TNIK: variants seen among roughly 807,000 people sequenced by gnomAD.
The protein encoded by TNIK is TRAF2 and NCK-interacting protein kinase.
In TNIK, 49 loss-of-function variants were observed where a neutral mutation model predicts 191.3. The ratio of observed to expected loss-of-function variants is 0.26; its 90% CI spans 0.20 to 0.32. The LOEUF (loss-of-function observed/expected upper bound fraction) is 0.32, where lower values mean the gene tolerates loss of function less well. Ranked by LOEUF, TNIK falls within the 10% of genes least tolerant of loss-of-function variation. TNIK has a pLI of 1.00. For missense variants in TNIK, 1,155 were observed against 1,702.3 expected (o/e 0.68, Z 5.66); for synonymous variants, 594 against 600.9 (o/e 0.99, Z 0.17).
Position 171,366,654 on chromosome 3 carries a change from A to G in TNIK, c.123+2966T>C, listed in dbSNP as rs569343582. 1.3e-3 allele frequency among the ~76,000 whole-genome samples: 200 copies of G among 152,336 alleles called. 2 individuals carry two copies. Among genetic ancestry groups the G allele is most frequent in the South Asian group, 6.8e-3 (33 of 4,830 alleles). On this transcript the variant is annotated intron_variant, in intron 2 of 32. Transcript: ENST00000436636. The surrounding 1 kb of genome is among the most constrained non-coding windows in gnomAD (Gnocchi z 4.1). ...TGTCCATATACTTATTCATAAAATT[A>G]TACCTGACTTTATGAAAACCAGGAA...
chr3:171,066,075 A>ATT, intron 32 of TNIK, 112 bp downstream of exon 32: 1 of 1,365,144 alleles, frequency 7.3e-7, no homozygotes, highest in South Asian at 1.4e-5. Flanking sequence ...GATAATATTG[A>ATT]TTGTTTAACA....
At chr3:171,142,908 C>T (rs1382465982) in intron 12 of TNIK, among the ~76,000 whole-genome samples, 1 of 152,162 alleles carries the variant, frequency 6.6e-6, no homozygotes, top group Non-Finnish European at 1.5e-5. Context: ...TAATCAAGCC[C>T]TTTGAAGAGT....
intron 1 of TNIK, among the ~76,000 whole-genome samples, chr3:171,441,035 A>T (rs929196772): frequency 1.3e-5 from 2 of 152,180 alleles, no homozygotes; most frequent in Non-Finnish European, 2.9e-5. Context: ...ATGACACGAA[A>T]ATACGTAGAA....
chr3:171,221,514 A>T (rs1329976122), intron 3 of TNIK, among the ~76,000 whole-genome samples: 1 of 152,104 alleles, frequency 6.6e-6, no homozygotes, highest in Non-Finnish European at 1.5e-5. Context: ...TACTCTGTAC[A>T]CTGCTTGGAA....
chr3:171,110,735 T>G lies in TNIK; in HGVS notation c.2263A>C (p.Ser755Arg). 1.3e-6 allele frequency: 2 copies of G among 1,599,512 alleles called. No homozygotes were observed. The highest frequency in any genetic ancestry group is 1.1e-5 in the South Asian group (1 of 87,806). ...TTACCTCGAACTCTGGTGCGTTCAC[T>G]GGATCCTGCTTGTGATCCAGGCTGG... ...GSQPGSQAGS[S>R]ERTRVRANSK... The change falls in exon 19 of 33, where the codon AGT (serine) becomes CGT (arginine). Residue 755 changes from serine to arginine, a missense_variant. Around this residue, in one of 3 missense-constraint regions of TNIK, gnomAD observed 735 missense variants for 848.0 expected, o/e 0.87. Coordinates refer to ENST00000436636, the MANE Select transcript of TNIK (RefSeq NM_015028.4).
intron 4 of TNIK, 33 bp from the exon 5 acceptor site, chr3:171,194,668 A>T: frequency 6.3e-6 from 10 of 1,598,272 alleles, no homozygotes; most frequent in Non-Finnish European, 8.6e-6. Context: ...CATTATTTTA[A>T]TGATGCTTCA....
At chr3:171,385,098 G>A (rs776494574) in intron 1 of TNIK, among the ~76,000 whole-genome samples, 5 of 152,128 alleles carry the variant, frequency 3.3e-5, no homozygotes, top group African/African-American at 9.7e-5. Flanking sequence ...AAGGGCACAC[G>A]GAGGTCAAAA....
At position 171,062,543 on chromosome 3, in the gene TNIK, G is replaced by A. The variant is rs1560058115; in HGVS notation, c.*1338C>T. 1 of 152,132 alleles carries A rather than the reference G, an allele frequency of 6.6e-6. No individual in the cohort carries two copies. The highest frequency in any genetic ancestry group is 2.4e-5 in the African/African-American group (1 of 41,436). The allele number at this position is 152,132 out of a possible 1,614,324, so 9.4% of individuals were successfully genotyped here. On this transcript the variant is annotated 3_prime_UTR_variant, in exon 33 of 33. Transcript: ENST00000436636. ...TGAGTAAGAGTTTATAAGGACACAAGTCAACCTGAACTAAATACATACATA... is the reference window on the plus strand; with the variant it reads ...TGAGTAAGAGTTTATAAGGACACAAATCAACCTGAACTAAATACATACATA...
In TNIK at chr3:171,110,847, G is replaced by C; in HGVS notation, c.2151C>G (p.Ile717Met). Residue 717 changes from isoleucine (I) to methionine (M), a missense_variant, in exon 19 of 33, where the codon ATC becomes ATG. Ile to Met is a conservative substitution (Grantham distance 10, BLOSUM62 1). Coordinates refer to ENST00000436636, the MANE Select transcript of TNIK (RefSeq NM_015028.4). ...SNPDLRRTEP[I>M]LESPLQRTSS... is the part of the protein sequence containing the mutation. ...TGGTCCTCTGCAAGGGGCTCTCCAA[G>C]ATGGGCTCAGTTCTCCGGAGATCAG... 6.2e-7 allele frequency: 1 copy of C among 1,605,042 alleles called. No homozygotes were observed. Among genetic ancestry groups the C allele is most frequent in the South Asian group, 1.1e-5 (1 of 88,418 alleles).
intron 18 of TNIK, among the ~76,000 whole-genome samples, chr3:171,112,993 T>A (rs963461103): frequency 3.9e-5 from 6 of 152,192 alleles, no homozygotes; most frequent in African/African-American, 1.4e-4. Flanking sequence ...CATGTGTGTG[T>A]GCATATGTAT....
chr3:171,128,132 TCA>T (rs1179188248), intron 16 of TNIK, among the ~76,000 whole-genome samples: 1 of 152,208 alleles, frequency 6.6e-6, no homozygotes, highest in Non-Finnish European at 1.5e-5. Flanking sequence ...TCTTGTTAAA[TCA>T]CAGACTGCCA....
intron 2 of TNIK, among the ~76,000 whole-genome samples, chr3:171,276,154 T>A (rs528440794): frequency 6.6e-6 from 1 of 152,072 alleles, no homozygotes; most frequent in Non-Finnish European, 1.5e-5. Context: ...ATCCTAATCA[T>A]CAACCAAAGA....
intron 2 of TNIK, among the ~76,000 whole-genome samples, chr3:171,326,439 C>T (rs1438592505): frequency 6.6e-6 from 1 of 150,614 alleles, no homozygotes; most frequent in African/African-American, 2.4e-5. Flanking sequence ...ATGTGCATTT[C>T]CTTCTCCCAC....
At chr3:171,434,174 G>T (rs958648694) in intron 1 of TNIK, among the ~76,000 whole-genome samples, 1 of 151,858 alleles carries the variant, frequency 6.6e-6, no homozygotes, top group African/African-American at 2.4e-5. Context: ...GACCTCAGGC[G>T]ATCTGCCTGC....
At chr3:171,181,270 T>C (rs374687988) in intron 7 of TNIK, among the ~76,000 whole-genome samples, 2 of 152,248 alleles carry the variant, frequency 1.3e-5, no homozygotes, top group African/African-American at 2.4e-5. Context: ...ATGCATGTAT[T>C]GATCAGGTAT....
rs1013821465 is a variant in TNIK at position 171,109,563 on chromosome 3, A to G, written c.2284+1151T>C. Among the ~76,000 whole-genome samples, 37 of 152,378 alleles carry G rather than the reference A, an allele frequency of 2.4e-4. 1 individual carries two copies. Among genetic ancestry groups the G allele is most frequent in the Admixed American group, 2.4e-3 (37 of 15,308 alleles). On this transcript the variant is annotated intron_variant, in intron 19 of 32. Transcript: ENST00000436636. ...TGTTAGGAGATAAACTAAGGGTATT[A>G]GGAGGTGGTATGTAATAAAGAGTCT...
chr3:171,309,218 C>G (rs1035122116), intron 2 of TNIK, among the ~76,000 whole-genome samples: 3 of 152,070 alleles, frequency 2.0e-5, no homozygotes, highest in Non-Finnish European at 4.4e-5. Context: ...TACTATGCAT[C>G]CATGAGAAAG....
At chr3:171,182,933 T>C (rs1736846030) in intron 7 of TNIK, among the ~76,000 whole-genome samples, 1 of 152,188 alleles carries the variant, frequency 6.6e-6, no homozygotes, top group Non-Finnish European at 1.5e-5. Context: ...AGAACACATG[T>C]CTTGCAGGAC....
chr3:171,458,687 A>G (rs1285637306), intron 1 of TNIK, among the ~76,000 whole-genome samples: 1 of 152,204 alleles, frequency 6.6e-6, no homozygotes, highest in Non-Finnish European at 1.5e-5. Context: ...TGGCCCCAAG[A>G]TTCAGCATCA....
Sources: gnomAD v4.1 joint callset for allele counts (sites outside exome capture counted in the v4.1 genomes callset) on GRCh38, gnomAD v4.1.1 for gene constraint, gnomAD v4.1.1 regional missense constraint, Gnocchi (gnomAD v3.1) non-coding constraint, MANE v1.5 for transcripts, NCBI Gene and HGNC (gene_info 2026-07-23, HGNC 2026-07-21) for gene names.